Variants in PNPLA6 observed in about 807,000 individuals in gnomAD.
PNPLA6 encodes patatin like domain 6, lysophospholipase, also known as patatin-like phospholipase domain-containing protein 6.
In PNPLA6, 105 loss-of-function variants were observed where a neutral mutation model predicts 153.7. The ratio of observed to expected loss-of-function variants is 0.68; its 90% CI spans 0.58 to 0.80. The LOEUF is 0.80. Ranked by LOEUF, PNPLA6 falls within the 30% of genes least tolerant of loss-of-function variation. PNPLA6 has a pLI of 0.00. For missense variants in PNPLA6, 1,423 were observed against 1,919.3 expected, an observed-to-expected ratio of 0.74 and a Z score of 4.83; for synonymous variants, 825 against 822.2, an observed-to-expected ratio of 1.00 and a Z score of -0.06.
chr19:7,553,667 G>A (rs1375291668), intron 18 of PNPLA6, among the ~76,000 whole-genome samples: 2 of 152,212 alleles, frequency 1.3e-5, no homozygotes, highest in South Asian at 2.1e-4. Context: ...TAACAAAAGA[G>A]GGAATAGTAG....
In PNPLA6 at chr19:7,551,633, G is replaced by A. The variant is rs496380; in HGVS notation, c.2260+196G>A. Among the ~76,000 whole-genome samples the A allele has an allele frequency of 0.5, 75,721 of 151,844 alleles. 19,279 individuals are homozygous for A. Among genetic ancestry groups the A allele is most frequent in the South Asian group, 0.65 (3,142 of 4,822 alleles). The stretch of plus-strand genomic sequence containing the variant: ...GAATGGAGTTCGTGTTCCTGAGCAT[G>A]CTGGGAAACGAAGTCCTCGACCCCT... On this transcript the variant is annotated intron_variant, in intron 18 of 31. Coordinates refer to ENST00000600737, the MANE Select transcript of PNPLA6 (RefSeq NM_001166114.2).
Position 7,535,807 on chromosome 19 carries a change from G to T in PNPLA6, c.19G>T (p.Gly7Trp), listed in dbSNP as rs769621958. 9 of 1,536,358 alleles carry T rather than the reference G, an allele frequency of 5.9e-6. No individual in the cohort carries two copies. The African/African-American group carries it at 1.1e-4, about 19-fold the overall frequency. The change falls in exon 1 of 32, where the codon GGG becomes TGG. Residue 7 changes from glycine (G) to tryptophan (W), a missense_variant. Physicochemically the swap from Gly to Trp is radical, Grantham distance 184. This residue lies in a region of PNPLA6 where 109 missense variants were observed against 109.4 expected (regional missense o/e 1.00). Transcript: ENST00000600737. This position sits in a 1 kb window ranked among gnomAD's most constrained non-coding sequence, Gnocchi z 5.0. MGTSSHGLATNSSGAKV... is the reference protein window; with the variant it reads MGTSSHWLATNSSGAKV... ...TCTGCAGATGGGGACATCGAGTCAC[G>T]GGCTGGCTACGAACTCCTCGGGGGC...
intron 16 of PNPLA6, 25 bp downstream of exon 16, chr19:7,550,665 C>T (rs764479702): frequency 2.5e-6 from 4 of 1,608,662 alleles, no homozygotes; most frequent in Non-Finnish European, 2.5e-6. Flanking sequence ...CACCCACTGA[C>T]CTCTGGCCTT....
chr19:7,536,386 C>A, intron 2 of PNPLA6, 63 bp from the exon 3 acceptor site: 4 of 1,405,818 alleles, frequency 2.8e-6, no homozygotes, highest in Non-Finnish European at 4.0e-6. Context: ...CCCCCTGGAT[C>A]CGTCTGCCTC....
At position 7,542,799 on chromosome 19, in the gene PNPLA6, C is replaced by T; in HGVS notation, c.1401C>T (p.Ala467=). 2.5e-6 allele frequency: 4 copies of T among 1,613,086 alleles called. No individual in the cohort carries two copies. The highest frequency in any genetic ancestry group is 3.4e-6 in the Non-Finnish European group (4 of 1,179,956). Residue 467 remains alanine, a synonymous_variant, in exon 12 of 32, where the codon GCC becomes GCT. Coordinates refer to ENST00000600737, the MANE Select transcript of PNPLA6 (RefSeq NM_001166114.2). The stretch of plus-strand genomic sequence containing the variant: ...AGCCTCGTGAGCAGCCGGCAGGCGC[C>T]TGTGAATACAGCTACTGTGAGGATG... ...TQEPREQPAG[A]CEYSYCEDES...
At chr19:7,543,111 A>G in intron 13 of PNPLA6, 27 bp downstream of exon 13, 2 of 1,589,656 alleles carry the variant, frequency 1.3e-6, no homozygotes, top group Non-Finnish European at 1.7e-6. Flanking sequence ...ACCTGTAACC[A>G]TGCCACCTGA....
chr19:7,540,048 A>G lies in PNPLA6; in HGVS notation c.544A>G (p.Lys182Glu). 6.2e-7 allele frequency: 1 copy of G among 1,613,650 alleles called. No individual in the cohort carries two copies. The highest frequency in any genetic ancestry group is 8.5e-7 in the Non-Finnish European group (1 of 1,179,814). Reference protein sequence around the residue: ...HLPSEVLYMLKNVRVLGHFEK... With the variant: ...HLPSEVLYMLENVRVLGHFEK... ...GCCCTCTGAAGTGCTTTATATGCTCAAGAACGTCCGGTCAGTGTTGGGGTG... is the reference window on the plus strand; with the variant it reads ...GCCCTCTGAAGTGCTTTATATGCTCGAGAACGTCCGGTCAGTGTTGGGGTG... Residue 182 changes from lysine (K) to glutamate (E), a missense_variant, in exon 4 of 32, where the codon AAG (lysine) becomes GAG (glutamate). Physicochemically the swap from Lys to Glu is moderately conservative, Grantham distance 56 (BLOSUM62 1). Coordinates refer to ENST00000600737, the MANE Select transcript of PNPLA6 (RefSeq NM_001166114.2). The surrounding 1 kb of genome is among the most constrained non-coding windows in gnomAD (Gnocchi z 6.8).
At position 7,555,658 on chromosome 19, in the gene PNPLA6, C is replaced by G. The variant is rs779282544; in HGVS notation, c.2988C>G (p.Pro996=). 1.2e-6 allele frequency: 2 copies of G among 1,613,140 alleles called. No individual in the cohort carries two copies. The highest frequency in any genetic ancestry group is 1.1e-5 in the South Asian group (1 of 91,038). Residue 996 remains proline, a synonymous_variant, in exon 24 of 32, where the codon CCC becomes CCG. Coordinates refer to ENST00000600737, the MANE Select transcript of PNPLA6 (RefSeq NM_001166114.2). The surrounding 1 kb of genome is among the most constrained non-coding windows in gnomAD (Gnocchi z 6.3). Reference sequence around the variant, plus strand: ...AGGCATTAGAGGAGGCGGGGGTCCCCGTGGACCTGGTGGGCGGCACGTCCA... The same window carrying G: ...AGGCATTAGAGGAGGCGGGGGTCCCGGTGGACCTGGTGGGCGGCACGTCCA... The part of the protein sequence containing the change: ...VLKALEEAGV[P]VDLVGGTSIG...
chr19:7,540,564 A>T lies in PNPLA6; in HGVS notation c.715-66A>T. On this transcript the variant is annotated intron_variant, in intron 5 of 31. Coordinates refer to ENST00000600737, the MANE Select transcript of PNPLA6 (RefSeq NM_001166114.2). This position sits in a 1 kb window ranked among gnomAD's most constrained non-coding sequence, Gnocchi z 6.8. ...GAAGTGTCAGTGATCATTGGGATGG[A>T]TGAGGGGGCGACATGCCAGTCACCA... 7.8e-7 allele frequency: 1 copy of T among 1,285,966 alleles called. No individual in the cohort carries two copies. The highest frequency in any genetic ancestry group is 1.1e-6 in the Non-Finnish European group (1 of 880,854). 79.7% of individuals were successfully genotyped at this position (1,285,966 alleles called of 1,614,324 possible).
chr19:7,540,333 C>T lies in PNPLA6; in HGVS notation c.714+25C>T, dbSNP rs754588559. 1.0e-5 allele frequency: 16 copies of T among 1,592,038 alleles called. No homozygotes were observed. In the African/African-American group the frequency reaches 2.0e-4, roughly 20 times the overall value. On this transcript the variant is annotated intron_variant, in intron 5 of 31. Coordinates refer to ENST00000600737, the MANE Select transcript of PNPLA6 (RefSeq NM_001166114.2). This position sits in a 1 kb window ranked among gnomAD's most constrained non-coding sequence, Gnocchi z 6.8. Reference sequence around the variant, plus strand: ...TGTGAGTGGGCCTCCCCAGGGGCTGCTGCAGGAGGATGGGTGGTGGGGATG... The same window carrying T: ...TGTGAGTGGGCCTCCCCAGGGGCTGTTGCAGGAGGATGGGTGGTGGGGATG...
rs764568947 is a variant in PNPLA6, at chr19:7,554,882, G to A, written c.2635-11G>A. Reference sequence around the variant, plus strand: ...GGGCGGCTGGTGACCTCAGCCGTCCGTATTCCGCAGCTGGAGCAGATGCTG... The same window carrying A: ...GGGCGGCTGGTGACCTCAGCCGTCCATATTCCGCAGCTGGAGCAGATGCTG... On this transcript the variant is annotated splice_polypyrimidine_tract_variant and intron_variant, in intron 21 of 31. Coordinates refer to ENST00000600737, the MANE Select transcript of PNPLA6 (RefSeq NM_001166114.2). The A allele has an allele frequency of 5.7e-6, 9 of 1,579,992 alleles. No homozygotes were observed. Among genetic ancestry groups the A allele is most frequent in the South Asian group, 1.1e-5 (1 of 89,070 alleles).
rs2023813160 is a variant in PNPLA6 at position 7,555,081 on chromosome 19, G to A, written c.2817+6G>A. On this transcript the variant is annotated splice_donor_region_variant and intron_variant, in intron 22 of 31. Coordinates refer to ENST00000600737, the MANE Select transcript of PNPLA6 (RefSeq NM_001166114.2). This position sits in a 1 kb window ranked among gnomAD's most constrained non-coding sequence, Gnocchi z 6.3. ...GCCGCAGCCCTGCCAAGCTGGTGAG[G>A]AGCGGGCCGGCCCCCACCTTCTAGG... The A allele has an allele frequency of 2.5e-6, 4 of 1,592,350 alleles. No individual in the cohort carries two copies. The South Asian group carries it at 4.4e-5, about 18-fold the overall frequency.
chr19:7,555,389 T>TG lies in PNPLA6; in HGVS notation c.2936+27dup, dbSNP rs2023832471. 1 of 870,618 alleles carries TG rather than the reference T, an allele frequency of 1.1e-6. No individual in the cohort carries two copies. Among genetic ancestry groups the TG allele is most frequent in the Non-Finnish European group, 1.6e-6 (1 of 632,440 alleles). 53.9% of individuals were successfully genotyped at this position (870,618 alleles called of 1,614,324 possible). A position where few individuals can be genotyped will look rare whatever the true frequency, so the allele number is the denominator to read the frequency against. On this transcript the variant is annotated intron_variant, in intron 23 of 31. Coordinates refer to ENST00000600737, the MANE Select transcript of PNPLA6 (RefSeq NM_001166114.2). This position sits in a 1 kb window ranked among gnomAD's most constrained non-coding sequence, Gnocchi z 6.3. ...CCAGGTGAGGGCGGGGCTTGCTCTC[T>TG]GGGGGCGGGGCCTGGATGTCCGAGG...
At position 7,541,300 on chromosome 19, in the gene PNPLA6, G is replaced by A; in HGVS notation, c.925-54G>A. Reference sequence around the variant, plus strand: ...TGCGAACTAGCCCGGCCCACCATCTGGCCCTGCCCCTTACCCCGCCCCATC... The same window carrying A: ...TGCGAACTAGCCCGGCCCACCATCTAGCCCTGCCCCTTACCCCGCCCCATC... On this transcript the variant is annotated intron_variant, in intron 7 of 31. Coordinates refer to ENST00000600737, the MANE Select transcript of PNPLA6 (RefSeq NM_001166114.2). The surrounding 1 kb of genome is among the most constrained non-coding windows in gnomAD (Gnocchi z 5.2). 1 of 1,486,564 alleles carries A rather than the reference G, an allele frequency of 6.7e-7. No individual in the cohort carries two copies. The highest frequency in any genetic ancestry group is 2.3e-5 in the East Asian group (1 of 43,620). The allele number at this position is 1,486,564 out of a possible 1,614,324, so 92.1% of individuals were successfully genotyped here.
chr19:7,549,353 A>AT (rs1356077563), intron 13 of PNPLA6, among the ~76,000 whole-genome samples: 1 of 150,380 alleles, frequency 6.6e-6, no homozygotes, highest in Non-Finnish European at 1.5e-5. Flanking sequence ...CACCCGGCTA[A>AT]TTTTTTGTAT....
Position 7,543,013 on chromosome 19 carries a change from T to G in PNPLA6, c.1537T>G (p.Ser513Ala), listed in dbSNP as rs1306308836. The change falls in exon 13 of 32, where the codon TCC becomes GCC. Residue 513 changes from serine (S) to alanine (A), a missense_variant. By Grantham distance (99) the Ser-to-Ala change is moderately conservative. This residue lies in a region of PNPLA6 where 267 missense variants were observed against 255.1 expected (regional missense o/e 1.05). Coordinates refer to ENST00000600737, the MANE Select transcript of PNPLA6 (RefSeq NM_001166114.2). ...AACCCCCCTACCTCCCCAGGACCCC[T>G]CCCTCCTGAACAGCAGAGTCTTGCT... ...LAKLMRIEDP[S>A]LLNSRVLLHH... 6 of 1,613,336 alleles carry G rather than the reference T, an allele frequency of 3.7e-6. No homozygotes were observed. In the African/African-American group the frequency reaches 8.0e-5, roughly 22 times the overall value.
intron 13 of PNPLA6, among the ~76,000 whole-genome samples, chr19:7,547,823 T>TAAA (rs1227244426): frequency 3.0e-5 from 3 of 99,524 alleles, no homozygotes; most frequent in African/African-American, 1.7e-4. Flanking sequence ...TTTTTTTTTT[T>TAAA]TTTTTTTTTT....
intron 27 of PNPLA6, among the ~76,000 whole-genome samples, chr19:7,558,463 T>G (rs2023976838): frequency 6.6e-6 from 1 of 152,076 alleles, no homozygotes. Context: ...GAAACCCGGT[T>G]TCTACTAAAA....
chr19:7,559,001 T>C lies in PNPLA6; in HGVS notation c.3549T>C (p.Val1183=), dbSNP rs35770729. Residue 1183 remains valine (V), a synonymous_variant, in exon 28 of 32, where the codon GTT becomes GTC. Coordinates refer to ENST00000600737, the MANE Select transcript of PNPLA6 (RefSeq NM_001166114.2). ...ATCCCTGGGCTGACAAGGTAAAGGT[T>C]CCAGACATGGCTGAAATCCAGTCCC... ...RLNPWADKVK[V]PDMAEIQSRL... 8.6e-5 allele frequency: 139 copies of C among 1,614,222 alleles called. 2 individuals are homozygous for C. In the Middle Eastern group the frequency reaches 4.8e-3, roughly 56 times the overall value.
Sources: allele counts gnomAD v4.1 joint callset (sites outside exome capture counted in the v4.1 genomes callset), GRCh38; gene constraint gnomAD v4.1.1; regional missense constraint gnomAD v4.1.1; non-coding constraint Gnocchi (gnomAD v3.1); transcripts MANE v1.5; gene names NCBI Gene and HGNC (gene_info 2026-07-23, HGNC 2026-07-21).